The following APP variants were observed in gnomAD, a reference collection of about 807,000 sequenced individuals.
The protein encoded by APP is amyloid-beta precursor protein.
In APP, 31 loss-of-function variants were observed where a neutral mutation model predicts 101.4. The observed-to-expected ratio is 0.31, with a 90% confidence interval of 0.23 to 0.41. The LOEUF (loss-of-function observed/expected upper bound fraction) is 0.41, where lower values mean the gene tolerates loss of function less well. Ranked by LOEUF, APP falls within the 10% of genes least tolerant of loss-of-function variation. The pLI, the probability that APP is intolerant of heterozygous loss-of-function variation, is 1.00. For synonymous variants in APP, 366 were observed against 364.4 expected, an observed-to-expected ratio of 1.00 and a Z score of -0.05; for missense variants, 839 against 1,003.7, an observed-to-expected ratio of 0.84 and a Z score of 2.22.
chr21:26,003,081 A>G (rs1033802681), intron 6 of APP, among the ~76,000 whole-genome samples: 1 of 152,256 alleles, frequency 6.6e-6, no homozygotes, highest in Non-Finnish European at 1.5e-5. Context: ...ACATTTTCCT[A>G]TACCACTAAT....
intron 3 of APP, among the ~76,000 whole-genome samples, chr21:26,066,078 AATG>A (rs2046442827): frequency 1.3e-5 from 2 of 152,062 alleles, no homozygotes; most frequent in African/African-American, 2.4e-5. Flanking sequence ...CACTTTGAGA[AATG>A]ATATTTGGAG....
At chr21:26,025,324 A>G (rs990343008) in intron 5 of APP, among the ~76,000 whole-genome samples, 1 of 152,220 alleles carries the variant, frequency 6.6e-6, no homozygotes, top group African/African-American at 2.4e-5. Context: ...TACTTATTCA[A>G]TCAAATCATG....
intron 6 of APP, among the ~76,000 whole-genome samples, chr21:26,021,046 C>CTTTTTT (rs144287372): frequency 9.8e-6 from 1 of 101,746 alleles, no homozygotes. Context: ...CTCACCAAAT[C>CTTTTTT]TTTTTTTTTT....
In APP at chr21:25,881,567, T is replaced by C; in HGVS notation, c.*103A>G. 1.5e-6 allele frequency: 2 copies of C among 1,333,922 alleles called. No homozygotes were observed. Among genetic ancestry groups the C allele is most frequent in the South Asian group, 2.3e-5 (2 of 85,162 alleles). The allele number at this position is 1,333,922 out of a possible 1,614,324, so 82.6% of individuals were successfully genotyped here. On this transcript the variant is annotated 3_prime_UTR_variant, in exon 18 of 18. Coordinates refer to ENST00000346798, the MANE Select transcript of APP (RefSeq NM_000484.4). ...TCAAAAGGCGATAATGAGTAAATCA[T>C]AAAACGGGTTTGTTTCTTCCCACAT...
At chr21:25,999,772 A>G (rs2043207874) in intron 7 of APP, among the ~76,000 whole-genome samples, 1 of 152,208 alleles carries the variant, frequency 6.6e-6, no homozygotes, top group Non-Finnish European at 1.5e-5. Context: ...ATTGCAAGAC[A>G]TATGTGCTAC....
At chr21:25,946,419 A>G (rs372156573) in intron 13 of APP, among the ~76,000 whole-genome samples, 3 of 152,276 alleles carry the variant, frequency 2.0e-5, no homozygotes, top group South Asian at 2.1e-4. Flanking sequence ...TAATCCTAGC[A>G]CTTTGGAAGG....
At chr21:26,170,415 G>A in intron 1 of APP, 149 bp downstream of exon 1, 1 of 852,988 alleles carries the variant, frequency 1.2e-6, no homozygotes, top group South Asian at 1.7e-5. Flanking sequence ...GCGGGGATGC[G>A]CTGGACGTCC....
rs542484677 is a variant in APP at position 25,958,513 on chromosome 21, G to A, written c.1459-2758C>T. ...AGGATGGTCTCCATCTCCTGACCTCGTGATCTGCCCGCCTTGGCCTCCCAA... is the reference window on the plus strand; with the variant it reads ...AGGATGGTCTCCATCTCCTGACCTCATGATCTGCCCGCCTTGGCCTCCCAA... On this transcript the variant is annotated intron_variant, in intron 11 of 17. Coordinates refer to ENST00000346798, the MANE Select transcript of APP (RefSeq NM_000484.4). 2.7e-4 allele frequency among the ~76,000 whole-genome samples: 41 copies of A among 152,104 alleles called. No individual in the cohort carries two copies. In the East Asian group the frequency reaches 4.7e-3, roughly 17 times the overall value.
intron 1 of APP, among the ~76,000 whole-genome samples, chr21:26,144,113 GA>G (rs1440349023): frequency 1.3e-5 from 2 of 152,010 alleles, no homozygotes; most frequent in African/African-American, 4.8e-5. Flanking sequence ...CAAAAGGGGG[GA>G]AAAGTCCCTT....
rs1386522903 is a variant in APP at position 26,021,943 on chromosome 21, T to C, written c.762A>G (p.Val254=). 1.2e-6 allele frequency: 2 copies of C among 1,613,466 alleles called. No homozygotes were observed. The highest frequency in any genetic ancestry group is 1.3e-5 in the African/African-American group (1 of 74,904). Residue 254 remains valine, a synonymous_variant, in exon 6 of 18, where the codon GTA becomes GTG. Coordinates refer to ENST00000346798, the MANE Select transcript of APP (RefSeq NM_000484.4). ...DDEDDEDGDE[V]EEEAEEPYEE... The stretch of plus-strand genomic sequence containing the variant: ...CGTAGGGTTCCTCAGCCTCTTCCTC[T>C]ACCTCATCACCATCCTCATCGTCCT...
chr21:26,021,760 C>T (rs922429535), intron 6 of APP, 80 bp downstream of exon 6: 2 of 1,569,316 alleles, frequency 1.3e-6, no homozygotes, highest in African/African-American at 1.4e-5. Flanking sequence ...GGCAGTGGTG[C>T]TAGGGTGGAT....
chr21:25,930,759 A>G (rs1318222464), intron 13 of APP, among the ~76,000 whole-genome samples: 1 of 152,190 alleles, frequency 6.6e-6, no homozygotes, highest in Non-Finnish European at 1.5e-5. Flanking sequence ...TGTTTTCTTT[A>G]ACACAAAACT....
chr21:26,107,372 C>T (rs1407762047), intron 2 of APP, among the ~76,000 whole-genome samples: 2 of 152,192 alleles, frequency 1.3e-5, no homozygotes, highest in African/African-American at 2.4e-5. Context: ...TCACATCTTA[C>T]AGTTCATCTC....
chr21:25,962,930 A>G (rs1241251047), intron 11 of APP, among the ~76,000 whole-genome samples: 1 of 152,118 alleles, frequency 6.6e-6, no homozygotes, highest in African/African-American at 2.4e-5. Flanking sequence ...CTCTTGCCCC[A>G]GCCTCTTGAG....
chr21:25,888,401 G>A (rs2037478351), intron 17 of APP, among the ~76,000 whole-genome samples: 1 of 152,136 alleles, frequency 6.6e-6, no homozygotes, highest in Non-Finnish European at 1.5e-5. Flanking sequence ...TACCATCCCA[G>A]CTAAACTACA....
At chr21:25,967,329 C>G (rs1251627524) in intron 11 of APP, among the ~76,000 whole-genome samples, 1 of 152,164 alleles carries the variant, frequency 6.6e-6, no homozygotes, top group Non-Finnish European at 1.5e-5. Context: ...AACAACACAA[C>G]TGGGATAGAT....
chr21:25,983,300 T>C (rs1000986013), intron 8 of APP, among the ~76,000 whole-genome samples: 2 of 152,190 alleles, frequency 1.3e-5, no homozygotes, highest in African/African-American at 4.8e-5. Flanking sequence ...AAAAAGAATT[T>C]TGACTTAAGA....
At chr21:26,029,060 G>A (rs568380337) in intron 5 of APP, among the ~76,000 whole-genome samples, 1 of 152,120 alleles carries the variant, frequency 6.6e-6, no homozygotes, top group Admixed American at 6.5e-5. Flanking sequence ...CAAAGGCCCA[G>A]GTGTGAGGAA....
intron 5 of APP, among the ~76,000 whole-genome samples, chr21:26,044,242 T>C (rs1391847669): frequency 1.3e-5 from 2 of 152,182 alleles, no homozygotes; most frequent in South Asian, 4.1e-4. Flanking sequence ...TAATGCACCA[T>C]ACTCACACCA....
Sources: gnomAD v4.1 joint callset for allele counts (sites outside exome capture counted in the v4.1 genomes callset) on GRCh38, gnomAD v4.1.1 for gene constraint, MANE v1.5 for transcripts, NCBI Gene and HGNC (gene_info 2026-07-23, HGNC 2026-07-21) for gene names.